The following STK33 variants were observed in gnomAD, a reference collection of about 807,000 sequenced individuals.
STK33 encodes the protein serine/threonine-protein kinase 33.
Under a neutral mutation model 58.0 loss-of-function variants are expected in STK33, and 52 were observed. That is an observed-to-expected ratio of 0.90 (90% CI 0.72 to 1.13). The LOEUF is 1.13. Ranked by LOEUF, STK33 falls within the 50% of genes most tolerant of loss-of-function variation. The pLI is 0.00. For synonymous variants in STK33, 215 were observed against 200.1 expected (o/e 1.07, Z -0.63); for missense variants, 630 against 604.2 (o/e 1.04, Z -0.45).
At chr11:8,337,801 T>A in the STK33 span, among the ~76,000 whole-genome samples, 1 of 152,098 alleles carries the variant, frequency 6.6e-6, no homozygotes, top group Middle Eastern at 3.2e-3. Context: ...TTTCAGGGAC[T>A]TCGCATTTGT....
intron 1 of STK33, among the ~76,000 whole-genome samples, chr11:8,495,399 T>C (rs1294045666): frequency 1.3e-5 from 2 of 152,188 alleles, no homozygotes; most frequent in African/African-American, 4.8e-5. Flanking sequence ...CACAATGAGA[T>C]ACCATCTCAT....
At chr11:8,516,665 A>G (rs953078498) in intron 1 of STK33, among the ~76,000 whole-genome samples, 2 of 152,202 alleles carry the variant, frequency 1.3e-5, no homozygotes, top group African/African-American at 4.8e-5. Context: ...ACCTTAGCAA[A>G]TGGCATACCA....
intron 11 of STK33, among the ~76,000 whole-genome samples, chr11:8,449,042 T>C (rs1250249243): frequency 6.6e-6 from 1 of 151,720 alleles, no homozygotes; most frequent in Non-Finnish European, 1.5e-5. Context: ...ATGCTCATCA[T>C]CACTGGCCAT....
chr11:8,462,058 A>G (rs1414540514), intron 7 of STK33, 149 bp from the exon 8 acceptor site: 4 of 556,574 alleles, frequency 7.2e-6, no homozygotes, highest in African/African-American at 2.0e-5. Flanking sequence ...TTCTTTTTCA[A>G]ATGATATCAT....
intron 1 of STK33, among the ~76,000 whole-genome samples, chr11:8,517,576 A>C (rs548665998): frequency 3.9e-5 from 6 of 152,316 alleles, no homozygotes; most frequent in Non-Finnish European, 8.8e-5. Context: ...CATTGCAAAG[A>C]AGCTAAAAAC....
the STK33 span, among the ~76,000 whole-genome samples, chr11:8,359,398 G>A: frequency 6.6e-6 from 1 of 152,198 alleles, no homozygotes; most frequent in African/African-American, 2.4e-5. Flanking sequence ...AAAGTTATGC[G>A]TATTGGACTT....
intron 11 of STK33, 87 bp from the exon 12 acceptor site, chr11:8,440,840 T>A: frequency 7.5e-7 from 1 of 1,338,908 alleles, no homozygotes; most frequent in South Asian, 1.4e-5. Flanking sequence ...AATGTGCTGA[T>A]GTGCTGTAAT....
chr11:8,384,219 C>T, the STK33 span, among the ~76,000 whole-genome samples: 1 of 151,974 alleles, frequency 6.6e-6, no homozygotes, highest in South Asian at 2.1e-4. Context: ...TTATTATAAC[C>T]AAGGAATAAC....
intron 14 of STK33, among the ~76,000 whole-genome samples, chr11:8,417,612 T>C (rs911192263): frequency 1.3e-5 from 2 of 152,204 alleles, no homozygotes; most frequent in Admixed American, 6.6e-5. Flanking sequence ...CACCATTCTC[T>C]GTTTTTGCAA....
intron 1 of STK33, among the ~76,000 whole-genome samples, chr11:8,586,641 T>C (rs974423230): frequency 6.6e-6 from 1 of 151,966 alleles, no homozygotes; most frequent in Non-Finnish European, 1.5e-5. Flanking sequence ...CTGGCCAACA[T>C]GGTGAAACCC....
chr11:8,338,643 C>G, the STK33 span, among the ~76,000 whole-genome samples: 3 of 152,066 alleles, frequency 2.0e-5, no homozygotes, highest in African/African-American at 7.2e-5. Context: ...TAGAAACCAC[C>G]CTGGTTGGCC....
At chr11:8,470,612 G>A (rs1591329287) in intron 6 of STK33, among the ~76,000 whole-genome samples, 1 of 152,142 alleles carries the variant, frequency 6.6e-6, no homozygotes, top group Non-Finnish European at 1.5e-5. Context: ...CTCCTCATTA[G>A]GCTTAATCAT....
intron 1 of STK33, among the ~76,000 whole-genome samples, chr11:8,484,524 T>C (rs995234396): frequency 6.6e-6 from 1 of 152,210 alleles, no homozygotes; most frequent in East Asian, 1.9e-4. Context: ...CTTGATGGAA[T>C]AGCCTACGAG....
intron 1 of STK33, among the ~76,000 whole-genome samples, chr11:8,565,096 T>C (rs1957358651): frequency 6.6e-6 from 1 of 152,132 alleles, no homozygotes. Flanking sequence ...GTGTCATTTA[T>C]GAGAAACCAA....
At chr11:8,590,747 G>A (rs1209796070) in intron 1 of STK33, among the ~76,000 whole-genome samples, 1 of 152,052 alleles carries the variant, frequency 6.6e-6, no homozygotes. Flanking sequence ...AAAATAAGAT[G>A]CCCATTCTTC....
chr11:8,583,413 T>G (rs2030804781), intron 1 of STK33, among the ~76,000 whole-genome samples: 1 of 152,144 alleles, frequency 6.6e-6, no homozygotes, highest in South Asian at 2.1e-4. Flanking sequence ...AGAAAGCAGA[T>G]ATGTAGGAAA....
intron 1 of STK33, among the ~76,000 whole-genome samples, chr11:8,494,605 C>T (rs1241049402): frequency 6.6e-6 from 1 of 152,136 alleles, no homozygotes; most frequent in African/African-American, 2.4e-5. Context: ...CTTTAAAGTT[C>T]ATACGGAACC....
chr11:8,339,430 G>GT, the STK33 span, among the ~76,000 whole-genome samples: 1 of 152,254 alleles, frequency 6.6e-6, no homozygotes, highest in Non-Finnish European at 1.5e-5. Context: ...TTATTTTGAA[G>GT]TAATTGCCGA....
intron 1 of STK33, among the ~76,000 whole-genome samples, chr11:8,481,980 G>A (rs544707149): frequency 3.2e-4 from 48 of 152,274 alleles, no homozygotes; most frequent in Non-Finnish European, 6.5e-4. Flanking sequence ...TAACTGGTTT[G>A]TTTTTCTTTC....
Sources: allele counts gnomAD v4.1 joint callset (sites outside exome capture counted in the v4.1 genomes callset), GRCh38; gene constraint gnomAD v4.1.1; transcripts MANE v1.5; gene names NCBI Gene and HGNC (gene_info 2026-07-23, HGNC 2026-07-21).